The following LDLRAD4 variants were observed in gnomAD, a reference collection of about 807,000 sequenced individuals.
The protein encoded by LDLRAD4 is low density lipoprotein receptor class A domain containing 4.
In LDLRAD4, 5 loss-of-function variants were observed where a neutral mutation model predicts 17.0. The observed-to-expected ratio is 0.29, with a 90% CI of 0.15 to 0.62. The LOEUF (loss-of-function observed/expected upper bound fraction) is 0.62. LDLRAD4 is among the 20% of genes least tolerant of loss of function. The pLI, the probability that LDLRAD4 is intolerant of heterozygous loss-of-function variation, is 0.84. For missense variants in LDLRAD4, 340 were observed against 424.7 expected (o/e 0.80, Z 1.75); for synonymous variants, 168 against 171.8 (o/e 0.98, Z 0.17).
chr18:13,473,628 TC>T lies in LDLRAD4; in HGVS notation c.181+35247del, dbSNP rs1282677098. 5.9e-5 allele frequency among the ~76,000 whole-genome samples: 6 copies of T among 101,570 alleles called. No individual in the cohort carries two copies. The East Asian group carries it at 1.8e-3, about 30-fold the overall frequency. The allele number at this position is 101,570 out of a possible 152,430, so 66.6% of individuals were successfully genotyped here. On this transcript the variant is annotated intron_variant, in intron 3 of 5. Coordinates refer to ENST00000359446, the Ensembl canonical transcript of LDLRAD4. Reference sequence around the variant, plus strand: ...CTCCAGTCTGGGCAGCACAGTAAGATCCCATCTCATATATATATATATATAT... The same window carrying T: ...CTCCAGTCTGGGCAGCACAGTAAGATCCATCTCATATATATATATATATAT...
chr18:13,278,514 G>A (rs1394458531), intron 1 of LDLRAD4: 3 of 152,194 alleles, frequency 2.0e-5, no homozygotes, highest in Admixed American at 6.5e-5. Flanking sequence ...TGCTCCGCTC[G>A]AGACGCCATG....
At chr18:13,452,112 G>T (rs1008539681) in intron 3 of LDLRAD4, among the ~76,000 whole-genome samples, 10 of 152,200 alleles carry the variant, frequency 6.6e-5, no homozygotes, top group Non-Finnish European at 1.0e-4. Context: ...TAGGGACTGG[G>T]CCTAGCTAGG....
chr18:13,612,797 T>G, intron 3 of LDLRAD4: 1 of 1,613,820 alleles, frequency 6.2e-7, no homozygotes, highest in South Asian at 1.1e-5. Flanking sequence ...AGAACTGCTA[T>G]GGATGATGCA....
chr18:13,460,758 G>A lies in LDLRAD4; in HGVS notation c.181+22374G>A, dbSNP rs144588169. ...ATTTTGGGGATAATCCCTATTATAT[G>A]TGTATTTAATTATTTTAATATTATA... On this transcript the variant is annotated intron_variant, in intron 3 of 5. Transcript: ENST00000359446. Among the ~76,000 whole-genome samples, 822 of 152,222 alleles carry A rather than the reference G, an allele frequency of 5.4e-3. 13 individuals carry two copies. The highest frequency in any genetic ancestry group is 0.019 in the African/African-American group (793 of 41,554).
chr18:13,512,372 AAAT>A (rs1219072979), intron 3 of LDLRAD4, among the ~76,000 whole-genome samples: 2 of 152,200 alleles, frequency 1.3e-5, no homozygotes, highest in African/African-American at 2.4e-5. Flanking sequence ...CTTTGTAAGA[AAAT>A]AATCTCAAAA....
intron 1 of LDLRAD4, among the ~76,000 whole-genome samples, chr18:13,336,226 C>T (rs76303038): frequency 0.014 from 2,191 of 152,238 alleles, 49 homozygotes; most frequent in African/African-American, 0.045. Flanking sequence ...GCATGAGGCT[C>T]GGAGGGGTTA....
intron 1 of LDLRAD4, among the ~76,000 whole-genome samples, chr18:13,257,439 C>G (rs1442863812): frequency 6.6e-6 from 1 of 152,158 alleles, no homozygotes; most frequent in Non-Finnish European, 1.5e-5. Context: ...TTTGGCTCAT[C>G]CCTGGTAGGA....
Position 13,407,422 on chromosome 18 carries a change from A to G in LDLRAD4, c.40+19660A>G, listed in dbSNP as rs529019440. Among the ~76,000 whole-genome samples the G allele has an allele frequency of 9.4e-4, 143 of 152,376 alleles. 1 individual carries two copies. The highest frequency in any genetic ancestry group is 9.3e-3 in the Admixed American group (143 of 15,302). The stretch of plus-strand genomic sequence containing the variant: ...CACAGTGCTTAGGCGCTATGTTAGC[A>G]CCGCAGTTGGAGGCAAAGATGAACA... On this transcript the variant is annotated intron_variant, in intron 2 of 5. Coordinates refer to ENST00000359446, the Ensembl canonical transcript of LDLRAD4.
intron 1 of LDLRAD4, among the ~76,000 whole-genome samples, chr18:13,303,914 T>A (rs984994284): frequency 3.3e-5 from 5 of 152,208 alleles, no homozygotes; most frequent in African/African-American, 4.8e-5. Flanking sequence ...GAGCTTCAGT[T>A]GTACAAAGGC....
intron 1 of LDLRAD4, among the ~76,000 whole-genome samples, chr18:13,356,480 G>C (rs961525335): frequency 6.6e-5 from 10 of 152,170 alleles, no homozygotes; most frequent in Non-Finnish European, 1.3e-4. Context: ...TAGCACTGTA[G>C]AAAGATGAAA....
At chr18:13,483,065 C>T (rs1232736586) in intron 3 of LDLRAD4, among the ~76,000 whole-genome samples, 2 of 152,134 alleles carry the variant, frequency 1.3e-5, no homozygotes, top group African/African-American at 2.4e-5. Flanking sequence ...GGCCTTGGTT[C>T]TGAGCTTATT....
Position 13,364,861 on chromosome 18 carries a change from C to T in LDLRAD4, c.-382-22480C>T, listed in dbSNP as rs545850888. 5.3e-5 allele frequency among the ~76,000 whole-genome samples: 8 copies of T among 152,284 alleles called. No individual in the cohort carries two copies. The East Asian group carries it at 1.2e-3, about 22-fold the overall frequency. ...AGCAGGCAGGAAAGGTTCAGCTCAG[C>T]GCTCAGTGCAGTTCCACTCGTGTGT... is the stretch of plus-strand genomic sequence containing the variant. On this transcript the variant is annotated intron_variant, in intron 1 of 5. Coordinates refer to ENST00000359446, the Ensembl canonical transcript of LDLRAD4.
chr18:13,627,676 C>T (rs1266428058), intron 4 of LDLRAD4, among the ~76,000 whole-genome samples: 1 of 152,216 alleles, frequency 6.6e-6, no homozygotes. Context: ...CTGTGCCCAG[C>T]CTGACATGGT....
Position 13,404,689 on chromosome 18 carries a change from T to G in LDLRAD4, c.40+16927T>G, listed in dbSNP as rs567534091. Among the ~76,000 whole-genome samples, 4 of 151,714 alleles carry G rather than the reference T, an allele frequency of 2.6e-5. No homozygotes were observed. The South Asian group carries it at 6.3e-4, about 24-fold the overall frequency. On this transcript the variant is annotated intron_variant, in intron 2 of 5. Transcript: ENST00000359446. ...GGTGAGTGCCTGTAGTCCCAGCTAC[T>G]CGGGAGGCTGAGGCAGGAGAATGGC...
intron 3 of LDLRAD4, among the ~76,000 whole-genome samples, chr18:13,601,976 G>A (rs1214785253): frequency 1.3e-5 from 2 of 152,250 alleles, no homozygotes; most frequent in African/African-American, 4.8e-5. Context: ...CTACACAGCT[G>A]TGAAAAAGAA....
intron 3 of LDLRAD4, among the ~76,000 whole-genome samples, chr18:13,589,322 C>A (rs2148520292): frequency 6.6e-6 from 1 of 152,358 alleles, no homozygotes; most frequent in South Asian, 2.1e-4. Context: ...CCACTGCAAG[C>A]TGCCTTTTCT....
chr18:13,599,194 T>G (rs934542728), intron 3 of LDLRAD4, among the ~76,000 whole-genome samples: 2 of 152,084 alleles, frequency 1.3e-5, no homozygotes, highest in East Asian at 1.9e-4. Flanking sequence ...GAAACTCTTG[T>G]TTTTTTGCCA....
intron 1 of LDLRAD4, among the ~76,000 whole-genome samples, chr18:13,289,916 TCAG>T (rs2045867899): frequency 6.6e-6 from 1 of 152,216 alleles, no homozygotes; most frequent in South Asian, 2.1e-4. Context: ...TGGAAGAGGT[TCAG>T]CAGCCTCTAG....
intron 1 of LDLRAD4, among the ~76,000 whole-genome samples, chr18:13,224,481 T>C (rs1474169388): frequency 7.5e-6 from 1 of 134,120 alleles, no homozygotes; most frequent in African/African-American, 2.8e-5. Context: ...TTTCTTTTTT[T>C]TTTTTTTTTT....
Sources: allele counts gnomAD v4.1 joint callset (sites outside exome capture counted in the v4.1 genomes callset), GRCh38; gene constraint gnomAD v4.1.1; transcripts MANE v1.5; gene names NCBI Gene and HGNC (gene_info 2026-07-23, HGNC 2026-07-21).